Variants in TRO observed in about 807,000 individuals in gnomAD.
TRO encodes the protein trophinin, also known as MAGE superfamily protein.
Under a neutral mutation model 42.3 loss-of-function variants are expected in TRO, and 29 were observed. That is an observed-to-expected ratio of 0.68 (90% confidence interval 0.51 to 0.93). The LOEUF (loss-of-function observed/expected upper bound fraction) is 0.93, where lower values mean the gene tolerates loss of function less well. Ranked by LOEUF, TRO falls within the 40% of genes least tolerant of loss-of-function variation. TRO has a pLI of 0.00. For missense variants in TRO, 963 were observed against 1,127.7 expected (o/e 0.85, Z 2.09); for synonymous variants, 384 against 425.2 (o/e 0.90, Z 1.19).
chrX:54,928,673 C>CAGCTGT lies in TRO; in HGVS notation c.1950_1955dup (p.Val654_Ala655dup). 8.3e-7 allele frequency: 1 copy of CAGCTGT among 1,203,010 alleles called. No homozygotes were observed. The highest frequency in any genetic ancestry group is 1.1e-6 in the Non-Finnish European group (1 of 891,119). On this transcript the variant is annotated inframe_insertion, in exon 12 of 13. Coordinates refer to ENST00000173898, the MANE Select transcript of TRO (RefSeq NM_001039705.3). The stretch of plus-strand genomic sequence containing the variant: ...GCAGTGGAGATGGAAGTCCAAGCTG[C>CAGCTGT]AGCTGTGGCTGTGGCTGAGGCTGAA...
chrX:54,924,511 C>G lies in TRO; in HGVS notation c.1297C>G (p.Arg433Gly), dbSNP rs200113081. 462 of 1,207,977 alleles carry G rather than the reference C, an allele frequency of 3.8e-4. 1 individual carries two copies. Among genetic ancestry groups the G allele is most frequent in the Non-Finnish European group, 1.5e-4 (134 of 894,225 alleles). Residue 433 changes from arginine (R) to glycine (G), a missense_variant, in exon 4 of 13, where the codon CGG becomes GGG. Around this residue, in one of 2 missense-constraint regions of TRO, gnomAD observed 641 missense variants for 811.3 expected, o/e 0.79. Coordinates refer to ENST00000173898, the MANE Select transcript of TRO (RefSeq NM_001039705.3). ...TAATTACAGGCGGATCCCATGGGGCCGGAGGCCTGCACCACCGCGAGATGT... is the reference window on the plus strand; with the variant it reads ...TAATTACAGGCGGATCCCATGGGGCGGGAGGCCTGCACCACCGCGAGATGT... ...GSNYRRIPWG[R>G]RPAPPRDVAI...
Position 54,930,038 on chromosome X carries a change from C to T in TRO, c.3314C>T (p.Thr1105Ile). The T allele has an allele frequency of 1.7e-6, 2 of 1,212,107 alleles. No individual in the cohort carries two copies. The highest frequency in any genetic ancestry group is 2.2e-6 in the Non-Finnish European group (2 of 895,625). The change falls in exon 12 of 13, where the codon ACC (threonine) becomes ATC (isoleucine). Residue 1105 changes from threonine to isoleucine, a missense_variant. Thr to Ile is a moderately conservative substitution (Grantham distance 89, BLOSUM62 -1). Transcript: ENST00000173898. ...TNPGFGGAFS[T>I]SAGFGGALST... ...CCTGGCTTTGGCGGTGCATTTAGCA[C>T]CAGTGCTGGCTTCGGTGGGGCACTT...
intron 12 of TRO, 23 bp from the exon 13 acceptor site, chrX:54,931,181 G>C: frequency 8.3e-7 from 1 of 1,209,713 alleles, no homozygotes; most frequent in Non-Finnish European, 1.1e-6. Flanking sequence ...GCTAAAATGT[G>C]TTCCTATTTG....
Position 54,931,013 on chromosome X carries a change from A to G in TRO, c.4289A>G (p.Tyr1430Cys). The G allele has an allele frequency of 8.4e-7, 1 of 1,186,707 alleles. No homozygotes were observed. The highest frequency in any genetic ancestry group is 1.1e-6 in the Non-Finnish European group (1 of 880,943). The part of the protein sequence containing the change: ...AASLGACGFS[Y>C]G ...AGTCTTGGTGCCTGTGGCTTCTCGTATGGCTAGTGAGGTTTCAGGTAACTG... is the reference window on the plus strand; with the variant it reads ...AGTCTTGGTGCCTGTGGCTTCTCGTGTGGCTAGTGAGGTTTCAGGTAACTG... Residue 1430 changes from tyrosine to cysteine, a missense_variant, in exon 12 of 13, where the codon TAT becomes TGT. Coordinates refer to ENST00000173898, the MANE Select transcript of TRO (RefSeq NM_001039705.3).
At chrX:54,922,107 G>A in intron 1 of TRO, 96 bp from the exon 2 acceptor site, 1 of 647,989 alleles carries the variant, frequency 1.5e-6, no homozygotes, top group Admixed American at 4.0e-5. Flanking sequence ...CCCAGGAGTT[G>A]AAGGGATTAG....
chrX:54,923,001 A>G lies in TRO; in HGVS notation c.469A>G (p.Thr157Ala), dbSNP rs1932284724. ...AKAAQGSQSP[T>A]GHEGGTIQLK... ...GGCAGCCCAAGGCTCCCAATCCCCA[A>G]CTGGCCATGAGGGTGGCACTATACA... The change falls in exon 3 of 13, where the codon ACT becomes GCT. Residue 157 changes from threonine (T) to alanine (A), a missense_variant. By Grantham distance (58) the Thr-to-Ala change is moderately conservative. Coordinates refer to ENST00000173898, the MANE Select transcript of TRO (RefSeq NM_001039705.3). The G allele has an allele frequency of 8.3e-7, 1 of 1,211,559 alleles. No individual in the cohort carries two copies. Among genetic ancestry groups the G allele is most frequent in the Non-Finnish European group, 1.1e-6 (1 of 895,477 alleles).
At chrX:54,927,299 T>C in intron 10 of TRO, 194 bp downstream of exon 10, 1 of 505,785 alleles carries the variant, frequency 2.0e-6, no homozygotes, top group Non-Finnish European at 3.4e-6. Flanking sequence ...ACAAGGCCCT[T>C]GCAGTGGGGT....
chrX:54,923,125 C>A lies in TRO; in HGVS notation c.593C>A (p.Thr198Asn). 8.3e-7 allele frequency: 1 copy of A among 1,211,727 alleles called. No individual in the cohort carries two copies. The highest frequency in any genetic ancestry group is 1.1e-6 in the Non-Finnish European group (1 of 895,537). Residue 198 changes from threonine (T) to asparagine (N), a missense_variant, in exon 3 of 13, where the codon ACC becomes AAC. Thr to Asn is a moderately conservative substitution (Grantham distance 65, BLOSUM62 0). Coordinates refer to ENST00000173898, the MANE Select transcript of TRO (RefSeq NM_001039705.3). The part of the protein sequence containing the change: ...NESASSQALI[T>N]SIKPKKASKA... ...TCAGCCAGTTCCCAAGCCTTGATAACCTCTATCAAGCCTAAGAAAGCTTCC... is the reference window on the plus strand; with the variant it reads ...TCAGCCAGTTCCCAAGCCTTGATAAACTCTATCAAGCCTAAGAAAGCTTCC...
At position 54,926,313 on chromosome X, in the gene TRO, C is replaced by T. The variant is rs755660297; in HGVS notation, c.1578-97C>T. 6 of 834,849 alleles carry T rather than the reference C, an allele frequency of 7.2e-6. No individual in the cohort carries two copies. In the South Asian group the frequency reaches 1.5e-4, roughly 21 times the overall value. 68.8% of individuals were successfully genotyped at this position (834,849 alleles called of 1,213,427 possible). On this transcript the variant is annotated intron_variant, in intron 7 of 12. Coordinates refer to ENST00000173898, the MANE Select transcript of TRO (RefSeq NM_001039705.3). ...ATCTGGGAGAGGTTAGCCTGGTGAG[C>T]TGGCTGGTGTATCTTTTGCGGATGG...
intron 6 of TRO, among the ~76,000 whole-genome samples, 188 bp downstream of exon 6, chrX:54,925,256 A>G (rs1286418871): frequency 2.7e-5 from 3 of 111,605 alleles, no homozygotes; most frequent in Admixed American, 9.5e-5. Context: ...AGTGATGAAA[A>G]CATGGCTAGG....
intron 9 of TRO, 184 bp downstream of exon 9, chrX:54,926,809 C>T (rs1420382435): frequency 3.6e-5 from 25 of 690,153 alleles, no homozygotes; most frequent in Non-Finnish European, 2.6e-5. Flanking sequence ...CTGTCTCTCT[C>T]CTTAATGTCC....
rs1933169081 is a variant in TRO, at chrX:54,931,298, G to T, written c.*106G>T. 1 of 1,212,159 alleles carries T rather than the reference G, an allele frequency of 8.2e-7. No homozygotes were observed. Reference sequence around the variant, plus strand: ...CCTTGGAATCTTTGTCCACACAGCAGTCAAGGCAGTTATGGCCAATCAGCT... The same window carrying T: ...CCTTGGAATCTTTGTCCACACAGCATTCAAGGCAGTTATGGCCAATCAGCT... On this transcript the variant is annotated 3_prime_UTR_variant, in exon 13 of 13. Transcript: ENST00000173898.
chrX:54,925,833 C>A (rs1357098939), intron 7 of TRO, 150 bp downstream of exon 7: 1 of 475,942 alleles, frequency 2.1e-6, no homozygotes, highest in Non-Finnish European at 3.6e-6. Context: ...ATAGTTGGAG[C>A]CCTGCTCACA....
intron 10 of TRO, 176 bp downstream of exon 10, chrX:54,927,281 G>A: frequency 1.8e-6 from 1 of 552,166 alleles, no homozygotes; most frequent in Non-Finnish European, 3.0e-6. Flanking sequence ...GACTGGGCCA[G>A]ACTCAACACA....
intron 9 of TRO, 150 bp from the exon 10 acceptor site, chrX:54,926,893 C>T: frequency 2.9e-6 from 2 of 683,430 alleles, no homozygotes; most frequent in Middle Eastern, 4.3e-4. Context: ...GTCTTAACTG[C>T]TTGCTTCTAG....
chrX:54,926,358 C>G, intron 7 of TRO, 52 bp from the exon 8 acceptor site: 1 of 1,148,096 alleles, frequency 8.7e-7, no homozygotes, highest in East Asian at 3.0e-5. Flanking sequence ...CATAAACCTT[C>G]TTTCTGTCCT....
Position 54,923,751 on chromosome X carries a change from G to A in TRO, c.1219G>A (p.Gly407Ser), listed in dbSNP as rs1366780171. The A allele has an allele frequency of 3.0e-5, 36 of 1,200,523 alleles. No individual in the cohort carries two copies. The highest frequency in any genetic ancestry group is 1.5e-4 in the South Asian group (8 of 54,184). The change falls in exon 3 of 13, where the codon GGC (glycine) becomes AGC (serine). Residue 407 changes from glycine to serine, a missense_variant. By Grantham distance (56) the Gly-to-Ser change is moderately conservative. Coordinates refer to ENST00000173898, the MANE Select transcript of TRO (RefSeq NM_001039705.3). ...LSLEPTTRTRGKRNRKSKHLN... is the reference protein window; with the variant it reads ...LSLEPTTRTRSKRNRKSKHLN... ...CCTGGAGCCCACAACCAGGACCCGG[G>A]GCAAAAGAAACCGAAAGGTGAGATC...
intron 3 of TRO, 57 bp from the exon 4 acceptor site, chrX:54,924,394 A>G: frequency 9.5e-7 from 1 of 1,053,084 alleles, no homozygotes; most frequent in Non-Finnish European, 1.3e-6. Flanking sequence ...AGGTGAGGAG[A>G]CAGAGCCATC....
At chrX:54,922,465 C>T (rs1254711015) in intron 2 of TRO, 113 bp from the exon 3 acceptor site, 1 of 917,078 alleles carries the variant, frequency 1.1e-6, no homozygotes, top group African/African-American at 2.0e-5. Flanking sequence ...TCCTTCCTTG[C>T]TCCCTACCCC....
Sources: gnomAD v4.1 joint callset for allele counts (sites outside exome capture counted in the v4.1 genomes callset) on GRCh38, gnomAD v4.1.1 for gene constraint, gnomAD v4.1.1 regional missense constraint, MANE v1.5 for transcripts, NCBI Gene and HGNC (gene_info 2026-07-23, HGNC 2026-07-21) for gene names.